The following POLR3A variants were observed in gnomAD, a reference collection of about 807,000 sequenced individuals.
POLR3A encodes RNA polymerase III subunit A, also known as DNA-directed RNA polymerase III subunit RPC1.
POLR3A carries 112 observed loss-of-function variants against 152.8 expected under a neutral mutation model. The observed-to-expected ratio is 0.73, with a 90% CI of 0.63 to 0.86. The LOEUF is 0.86. Among genes scored for constraint, POLR3A ranks in the 40% least tolerant of loss-of-function variants. The pLI, the probability that POLR3A is intolerant of heterozygous loss-of-function variation, is 0.00. For missense variants in POLR3A, 1,385 were observed against 1,743.1 expected (o/e 0.79, Z 3.66); for synonymous variants, 615 against 652.1 (o/e 0.94, Z 0.87).
chr10:77,986,283 G>C (rs1847197842), intron 21 of POLR3A, 124 bp from the exon 22 acceptor site: 10 of 732,912 alleles, frequency 1.4e-5, no homozygotes, highest in Middle Eastern at 3.4e-4. Context: ...TCCATATATA[G>C]TATAAAGGAC....
rs771562558 is a variant in POLR3A at position 77,982,657 on chromosome 10, G to A, written c.3590C>T (p.Pro1197Leu). 8.7e-6 allele frequency: 14 copies of A among 1,612,804 alleles called. 1 individual carries two copies. Among genetic ancestry groups the A allele is most frequent in the South Asian group, 6.6e-5 (6 of 90,990 alleles). ...GAGAAGCGACTTCTGTTTCACCTTG[G>A]GGAGATCCTCTTTCAGGAACTGCAG... ...YVLQFLKEDL[P>L]KVVVQGIPEV... Residue 1197 changes from proline (P) to leucine (L), a missense_variant, in exon 27 of 31, where the codon CCC (proline) becomes CTC (leucine). This residue lies in a region of POLR3A where 332 missense variants were observed against 400.1 expected (regional missense o/e 0.83). Coordinates refer to ENST00000372371, the MANE Select transcript of POLR3A (RefSeq NM_007055.4).
At chr10:78,012,635 G>A (rs902027086) in intron 11 of POLR3A, among the ~76,000 whole-genome samples, 1 of 151,898 alleles carries the variant, frequency 6.6e-6, no homozygotes, top group Non-Finnish European at 1.5e-5. Flanking sequence ...TGAAGTTCAG[G>A]AGGAGAGAAT....
In POLR3A at chr10:78,024,573, C is replaced by T. The variant is rs149192341; in HGVS notation, c.621G>A (p.Val207=). The change falls in exon 5 of 31, where the codon GTG becomes GTA. Residue 207 remains valine (V), a synonymous_variant. Transcript: ENST00000372371. ...CCTGTGCCCTTCCCAGCAGAGGCTC[C>T]ACTTCTTTATTATGTTCAATGGCTG... is the stretch of plus-strand genomic sequence containing the variant. ...FETAIEHNKE[V]EPLLGRAQEN... is the part of the protein sequence containing the mutation. 2,866 of 1,613,780 alleles carry T rather than the reference C, an allele frequency of 1.8e-3. 80 individuals are homozygous for T. In the Admixed American group the frequency reaches 0.046, roughly 26 times the overall value.
chr10:78,013,328 T>C (rs1327070094), intron 11 of POLR3A: 3 of 358,594 alleles, frequency 8.4e-6, no homozygotes, highest in Non-Finnish European at 1.6e-5. Context: ...GATATTGCTA[T>C]ATTCTTTTCT....
rs566698943 is a variant in POLR3A, at chr10:77,980,362, C to T, written c.3892-89G>A. On this transcript the variant is annotated intron_variant, in intron 29 of 30. Transcript: ENST00000372371. ...CACGGTGCACCTTCAATACAATCAA[C>T]AAAAATCCTCCAAGACCCAACGTCA... 102 of 1,288,796 alleles carry T rather than the reference C, an allele frequency of 7.9e-5. 1 individual carries two copies. In the South Asian group the frequency reaches 1.1e-3, roughly 13 times the overall value. 79.8% of individuals were successfully genotyped at this position (1,288,796 alleles called of 1,614,324 possible).
intron 1 of POLR3A, 152 bp downstream of exon 1, chr10:78,029,212 C>T: frequency 7.6e-6 from 6 of 793,996 alleles, no homozygotes; most frequent in South Asian, 7.0e-5. Flanking sequence ...CTTTGACCAA[C>T]GCTGGTAGTT....
rs186850904 is a variant in POLR3A, at chr10:78,026,011, C to G, written c.180+83G>C. On this transcript the variant is annotated intron_variant, in intron 2 of 30. Coordinates refer to ENST00000372371, the MANE Select transcript of POLR3A (RefSeq NM_007055.4). Reference sequence around the variant, plus strand: ...GGGGAATTGAGGAGATGGAAGGAAGCCCCTGCTCCTTTCAATCTGGTAAGT... The same window carrying G: ...GGGGAATTGAGGAGATGGAAGGAAGGCCCTGCTCCTTTCAATCTGGTAAGT... 37 of 1,545,824 alleles carry G rather than the reference C, an allele frequency of 2.4e-5. No individual in the cohort carries two copies. The African/African-American group carries it at 4.2e-4, about 18-fold the overall frequency.
In POLR3A at chr10:78,000,324, C is replaced by A. The variant is rs1176861620; in HGVS notation, c.2479-206G>T. Reference sequence around the variant, plus strand: ...AAGGAGAATGAGGGCCCAGCCAGGGCTGGTGCTGGTGCCAGTGGCAGGCAA... The same window carrying A: ...AAGGAGAATGAGGGCCCAGCCAGGGATGGTGCTGGTGCCAGTGGCAGGCAA... On this transcript the variant is annotated intron_variant, in intron 18 of 30. Coordinates refer to ENST00000372371, the MANE Select transcript of POLR3A (RefSeq NM_007055.4). Among the ~76,000 whole-genome samples the A allele has an allele frequency of 3.9e-5, 6 of 152,314 alleles. No individual in the cohort carries two copies. The East Asian group carries it at 1.2e-3, about 29-fold the overall frequency.
Position 78,007,855 on chromosome 10 carries a change from G to A in POLR3A, c.1921C>T (p.Gln641Ter). ...LCANDSYVTI[Q>*]NSELMSGSMD... ...CTGCCACTCATCAACTCACTGTTCTGGATTGTAACATCTGGAAGAATGATT... is the reference window on the plus strand; with the variant it reads ...CTGCCACTCATCAACTCACTGTTCTAGATTGTAACATCTGGAAGAATGATT... The change falls in exon 15 of 31, where the codon CAG (glutamine) becomes TAG (stop). Residue 641 changes from glutamine (Q) to a stop codon, truncating the protein, a stop_gained. Coordinates refer to ENST00000372371, the MANE Select transcript of POLR3A (RefSeq NM_007055.4). LOFTEE classifies it high-confidence loss of function. The A allele has an allele frequency of 1.2e-6, 2 of 1,611,990 alleles. No individual in the cohort carries two copies. The highest frequency in any genetic ancestry group is 1.7e-6 in the Non-Finnish European group (2 of 1,178,174).
intron 29 of POLR3A, 88 bp from the exon 30 acceptor site, chr10:77,980,361 A>C (rs1847128943): frequency 3.1e-6 from 4 of 1,298,192 alleles, no homozygotes; most frequent in African/African-American, 2.9e-5. Flanking sequence ...AATACAATCA[A>C]CAAAAATCCT....
At chr10:77,992,516 C>A (rs1847259847) in intron 20 of POLR3A, among the ~76,000 whole-genome samples, 1 of 130,738 alleles carries the variant, frequency 7.6e-6, no homozygotes, top group Non-Finnish European at 1.5e-5. Flanking sequence ...GATCTCAGTT[C>A]ATTGCAACCT....
Position 77,993,381 on chromosome 10 carries a change from AG to A in POLR3A, c.2617-15del. The A allele has an allele frequency of 1.2e-6, 2 of 1,610,692 alleles. No individual in the cohort carries two copies. The highest frequency in any genetic ancestry group is 1.7e-6 in the Non-Finnish European group (2 of 1,176,958). On this transcript the variant is annotated splice_polypyrimidine_tract_variant and intron_variant, in intron 19 of 30. Transcript: ENST00000372371. ...GACAAGCCTTCGCTAAAGGAAAAGG[AG>A]GAAAAAGCTCAGCTGCTTTGAGAAG...
chr10:78,006,780 T>C (rs547934233), intron 15 of POLR3A, among the ~76,000 whole-genome samples: 17 of 152,314 alleles, frequency 1.1e-4, no homozygotes, highest in African/African-American at 4.1e-4. Flanking sequence ...TTGTGAACTT[T>C]CACAGTGAGA....
intron 15 of POLR3A, among the ~76,000 whole-genome samples, chr10:78,006,453 T>C (rs1244781499): frequency 6.9e-6 from 1 of 144,372 alleles, no homozygotes; most frequent in Non-Finnish European, 1.5e-5. Context: ...AATAAGTATA[T>C]TGAAAAATAG....
chr10:78,007,211 T>C (rs559914525), intron 15 of POLR3A, among the ~76,000 whole-genome samples: 13 of 152,252 alleles, frequency 8.5e-5, no homozygotes, highest in Non-Finnish European at 1.8e-4. Context: ...TAAAATTGTA[T>C]ACCCAGGCAA....
Position 78,023,177 on chromosome 10 carries a change from C to T in POLR3A, c.646-793G>A, listed in dbSNP as rs1057377470. 4.7e-5 allele frequency among the ~76,000 whole-genome samples: 7 copies of T among 149,670 alleles called. No individual in the cohort carries two copies. In the East Asian group the frequency reaches 6.0e-4, roughly 13 times the overall value. ...CCATCTAAAAAAAAAAAAAGTGTTA[C>T]TGGCTGGGCATGGTGGCTCATGTCT... On this transcript the variant is annotated intron_variant, in intron 5 of 30. Coordinates refer to ENST00000372371, the MANE Select transcript of POLR3A (RefSeq NM_007055.4).
intron 19 of POLR3A, among the ~76,000 whole-genome samples, chr10:77,996,806 A>C (rs1224882502): frequency 6.6e-6 from 1 of 152,226 alleles, no homozygotes; most frequent in Admixed American, 6.5e-5. Flanking sequence ...TCCCTAACTC[A>C]TTTTATGAGG....
At chr10:77,979,627 C>T (rs971332767) in intron 30 of POLR3A, among the ~76,000 whole-genome samples, 2 of 152,202 alleles carry the variant, frequency 1.3e-5, no homozygotes, top group African/African-American at 2.4e-5. Context: ...AGCGAGGTCA[C>T]CTTGGTCTTC....
At chr10:78,000,893 T>C in intron 18 of POLR3A, 83 bp downstream of exon 18, 1 of 794,580 alleles carries the variant, frequency 1.3e-6, no homozygotes, top group South Asian at 1.3e-5. Context: ...CCAACGGTCT[T>C]TGATCTGAAT....
Sources: gnomAD v4.1 joint callset for allele counts (sites outside exome capture counted in the v4.1 genomes callset) on GRCh38, gnomAD v4.1.1 for gene constraint, gnomAD v4.1.1 regional missense constraint, MANE v1.5 for transcripts, NCBI Gene and HGNC (gene_info 2026-07-23, HGNC 2026-07-21) for gene names.